The following AGMO variants were observed in gnomAD, a reference collection of about 807,000 sequenced individuals.
AGMO encodes glyceryl-ether monooxygenase.
In AGMO, 75 loss-of-function variants were observed where a neutral mutation model predicts 60.2. The observed-to-expected ratio is 1.25, with a 90% confidence interval of 1.03 to 1.51. AGMO has a LOEUF of 1.51. Among genes scored for constraint, AGMO ranks in the 40% most tolerant of loss-of-function variants. The pLI is 0.00. For synonymous variants in AGMO, 261 were observed against 177.1 expected, an observed-to-expected ratio of 1.47 and a Z score of -3.76; for missense variants, 763 against 525.5, an observed-to-expected ratio of 1.45 and a Z score of -4.42.
chr7:15,148,480 T>G, the AGMO span, among the ~76,000 whole-genome samples: 14 of 152,170 alleles, frequency 9.2e-5, no homozygotes, highest in African/African-American at 3.1e-4. Flanking sequence ...CTCATCCTCC[T>G]CCCATGGACC....
intron 12 of AGMO, among the ~76,000 whole-genome samples, chr7:15,201,566 G>C (rs1370686403): frequency 1.3e-5 from 2 of 152,126 alleles, no homozygotes; most frequent in African/African-American, 2.4e-5. Context: ...CAGGAGTTAA[G>C]AAGTTTTATT....
chr7:15,471,228 G>C (rs1352834118), intron 3 of AGMO, among the ~76,000 whole-genome samples: 1 of 151,920 alleles, frequency 6.6e-6, no homozygotes, highest in Non-Finnish European at 1.5e-5. Context: ...CTGCAAGCTG[G>C]AGGTGAGCTA....
At chr7:15,125,632 G>T in the AGMO span, among the ~76,000 whole-genome samples, 9 of 151,716 alleles carry the variant, frequency 5.9e-5, no homozygotes, top group Non-Finnish European at 1.3e-4. Context: ...CAGACAATAC[G>T]TATATATGAC....
intron 12 of AGMO, among the ~76,000 whole-genome samples, chr7:15,294,718 T>C (rs1375125937): frequency 1.3e-5 from 2 of 151,946 alleles, no homozygotes; most frequent in Non-Finnish European, 2.9e-5. Flanking sequence ...CTAAACATAA[T>C]TGAGAATTGT....
At chr7:15,288,867 A>T in intron 12 of AGMO, among the ~76,000 whole-genome samples, 1 of 149,646 alleles carries the variant, frequency 6.7e-6, no homozygotes, top group African/African-American at 2.5e-5. Flanking sequence ...AAAAAAAAAT[A>T]TATATACACT....
chr7:15,448,463 T>C (rs529888111), intron 3 of AGMO, among the ~76,000 whole-genome samples: 1 of 152,182 alleles, frequency 6.6e-6, no homozygotes, highest in Non-Finnish European at 1.5e-5. Flanking sequence ...AAACTTCTAA[T>C]GTTTATAAGC....
At chr7:15,161,339 G>A in the AGMO span, among the ~76,000 whole-genome samples, 4 of 152,024 alleles carry the variant, frequency 2.6e-5, no homozygotes, top group African/African-American at 4.8e-5. Context: ...AATTCTGCCT[G>A]CAGATGGCCT....
chr7:15,547,551 G>A (rs891841246), intron 2 of AGMO, among the ~76,000 whole-genome samples: 6 of 152,160 alleles, frequency 3.9e-5, no homozygotes, highest in Non-Finnish European at 5.9e-5. Context: ...AAAGAAAGGG[G>A]TGACAGACGC....
intron 12 of AGMO, among the ~76,000 whole-genome samples, chr7:15,265,254 T>G (rs1783397960): frequency 6.6e-6 from 1 of 151,868 alleles, no homozygotes; most frequent in Admixed American, 6.6e-5. Flanking sequence ...AACATAAAGA[T>G]GGAACAACAG....
chr7:15,190,731 A>G, the AGMO span, among the ~76,000 whole-genome samples: 3 of 152,194 alleles, frequency 2.0e-5, no homozygotes, highest in African/African-American at 7.2e-5. Context: ...ATCTGATCAA[A>G]ACAGAAAGAG....
At chr7:15,325,118 CTTTG>C (rs1303926976) in intron 12 of AGMO, among the ~76,000 whole-genome samples, 3 of 152,100 alleles carry the variant, frequency 2.0e-5, no homozygotes, top group South Asian at 2.1e-4. Context: ...ATAAAAAGAA[CTTTG>C]TTTATTATAC....
chr7:15,531,577 T>C, intron 3 of AGMO, among the ~76,000 whole-genome samples: 1 of 119,730 alleles, frequency 8.4e-6, no homozygotes. Flanking sequence ...ATATTCCATA[T>C]ATATATTCTA....
the AGMO span, among the ~76,000 whole-genome samples, chr7:15,143,335 T>C: frequency 6.6e-6 from 1 of 152,198 alleles, no homozygotes; most frequent in South Asian, 2.1e-4. Context: ...ACCAACACGC[T>C]GTTATTGCCC....
intron 12 of AGMO, among the ~76,000 whole-genome samples, chr7:15,231,942 C>T (rs943714058): frequency 6.6e-6 from 1 of 152,048 alleles, no homozygotes; most frequent in Non-Finnish European, 1.5e-5. Context: ...TAGAAAAATG[C>T]CAAAGGTGGG....
chr7:15,316,271 C>T (rs1049936399), intron 12 of AGMO, among the ~76,000 whole-genome samples: 3 of 152,138 alleles, frequency 2.0e-5, no homozygotes, highest in Non-Finnish European at 4.4e-5. Flanking sequence ...TCCCCCATAA[C>T]CAGCAGGTTC....
At chr7:15,281,217 G>C (rs1489212253) in intron 12 of AGMO, among the ~76,000 whole-genome samples, 1 of 152,126 alleles carries the variant, frequency 6.6e-6, no homozygotes, top group African/African-American at 2.4e-5. Context: ...AGGAAAGTCT[G>C]TAGTTCCACC....
chr7:15,342,805 A>AAAAAAAAAAT (rs1781906188), intron 12 of AGMO, among the ~76,000 whole-genome samples: 1 of 143,982 alleles, frequency 6.9e-6, no homozygotes, highest in African/African-American at 2.6e-5. Flanking sequence ...AAAAAAAAAA[A>AAAAAAAAAAT]TTGATCTGAA....
At chr7:15,413,688 A>G (rs1449424991) in intron 5 of AGMO, among the ~76,000 whole-genome samples, 1 of 152,168 alleles carries the variant, frequency 6.6e-6, no homozygotes, top group Non-Finnish European at 1.5e-5. Context: ...AAAAAATGCA[A>G]CAAAGGAATA....
chr7:15,174,048 G>T, the AGMO span, among the ~76,000 whole-genome samples: 1 of 151,976 alleles, frequency 6.6e-6, no homozygotes, highest in Admixed American at 6.6e-5. Flanking sequence ...AAAAGCCTGA[G>T]ATGATGTTTG....
Sources: allele counts gnomAD v4.1 joint callset (sites outside exome capture counted in the v4.1 genomes callset), GRCh38; gene constraint gnomAD v4.1.1; transcripts MANE v1.5; gene names NCBI Gene and HGNC (gene_info 2026-07-23, HGNC 2026-07-21).